TRAPPC12: variants seen among roughly 807,000 people sequenced by gnomAD.
TRAPPC12 encodes TPR repeat protein 15.
TRAPPC12 carries 61 observed loss-of-function variants against 69.2 expected under a neutral mutation model. The ratio of observed to expected loss-of-function variants is 0.88; its 90% CI spans 0.72 to 1.09. The LOEUF is 1.09. Ranked by LOEUF, TRAPPC12 falls within the 50% of genes least tolerant of loss-of-function variation. The probability of loss-of-function intolerance (pLI) is 0.00; values close to 1 mark genes in which losing one functional copy is unlikely to be tolerated. For missense variants in TRAPPC12, 1,101 were observed against 1,016.4 expected, an observed-to-expected ratio of 1.08 and a Z score of -1.13; for synonymous variants, 469 against 438.9, an observed-to-expected ratio of 1.07 and a Z score of -0.86.
intron 9 of TRAPPC12, among the ~76,000 whole-genome samples, chr2:3,473,135 A>G (rs1666135774): frequency 6.6e-6 from 1 of 152,180 alleles, no homozygotes; most frequent in South Asian, 2.1e-4. Flanking sequence ...ATGCATTGAC[A>G]GCCTGCCTGG....
intron 3 of TRAPPC12, among the ~76,000 whole-genome samples, chr2:3,404,115 C>T (rs1305609241): frequency 6.6e-6 from 1 of 152,176 alleles, no homozygotes; most frequent in South Asian, 2.1e-4. Context: ...CCTGGAACCC[C>T]TTTGCCTGGG....
At position 3,388,650 on chromosome 2, in the gene TRAPPC12, C is replaced by T. The variant is rs1272517526; in HGVS notation, c.1027C>T (p.Leu343Phe). Residue 343 changes from leucine (L) to phenylalanine (F), a missense_variant, in exon 2 of 12, where the codon CTC becomes TTC. By Grantham distance (22) the Leu-to-Phe change is conservative. Coordinates refer to ENST00000324266, the MANE Select transcript of TRAPPC12 (RefSeq NM_016030.6). ...VDKENLTMPG[L>F]RFDNIQGDAV... ...CAAGGAGAACCTCACCATGCCGGGC[C>T]TCAGGTTCGACAACATCCAGGTGAG... is the stretch of plus-strand genomic sequence containing the variant. The T allele has an allele frequency of 1.9e-5, 30 of 1,569,286 alleles. No individual in the cohort carries two copies. Among genetic ancestry groups the T allele is most frequent in the African/African-American group, 2.7e-5 (2 of 73,858 alleles).
At position 3,414,099 on chromosome 2, in the gene TRAPPC12, A is replaced by G. The variant is rs1389471855; in HGVS notation, c.1165-7782A>G. ...CCCCCAAAGAATTAGAAAACTAGGTACCCCTCACACATTTTTAAGCTATCT... is the reference window on the plus strand; with the variant it reads ...CCCCCAAAGAATTAGAAAACTAGGTGCCCCTCACACATTTTTAAGCTATCT... On this transcript the variant is annotated intron_variant, in intron 3 of 11. Coordinates refer to ENST00000324266, the MANE Select transcript of TRAPPC12 (RefSeq NM_016030.6). The surrounding 1 kb of genome is among the most constrained non-coding windows in gnomAD (Gnocchi z 4.9). 6.6e-6 allele frequency among the ~76,000 whole-genome samples: 1 copy of G among 152,132 alleles called. No individual in the cohort carries two copies. Among genetic ancestry groups the G allele is most frequent in the Non-Finnish European group, 1.5e-5 (1 of 68,022 alleles).
intron 5 of TRAPPC12, among the ~76,000 whole-genome samples, chr2:3,432,050 A>T (rs1166079617): frequency 6.6e-6 from 1 of 152,232 alleles, no homozygotes; most frequent in Admixed American, 6.5e-5. Context: ...TCTGCATTAG[A>T]TTGCTCACTT....
At chr2:3,451,417 T>C (rs1664845033) in intron 6 of TRAPPC12, among the ~76,000 whole-genome samples, 3 of 152,240 alleles carry the variant, frequency 2.0e-5, no homozygotes, top group Admixed American at 6.5e-5. Context: ...TCCAAACTCC[T>C]CTTCCCTGCA....
At chr2:3,407,003 T>C (rs2103481550) in intron 3 of TRAPPC12, among the ~76,000 whole-genome samples, 1 of 152,360 alleles carries the variant, frequency 6.6e-6, no homozygotes, top group Non-Finnish European at 1.5e-5. Context: ...GATCTTTACC[T>C]TGCCCTGGTA....
intron 3 of TRAPPC12, among the ~76,000 whole-genome samples, chr2:3,404,161 T>G (rs748994981): frequency 2.6e-5 from 4 of 152,138 alleles, no homozygotes; most frequent in Non-Finnish European, 2.9e-5. Flanking sequence ...AGATCGCGGT[T>G]GTGTGAGGGC....
intron 7 of TRAPPC12, 150 bp from the exon 8 acceptor site, chr2:3,460,113 G>A (rs1476653670): frequency 6.9e-6 from 5 of 725,632 alleles, no homozygotes; most frequent in Admixed American, 4.0e-5. Flanking sequence ...AGTGCAGCCT[G>A]CAGCATATTC....
chr2:3,461,953 C>T (rs1665528557), intron 8 of TRAPPC12, among the ~76,000 whole-genome samples: 1 of 152,268 alleles, frequency 6.6e-6, no homozygotes, highest in Non-Finnish European at 1.5e-5. Context: ...CCTGACACCC[C>T]CACCTGGCGG....
chr2:3,385,601 A>C (rs1038307140), intron 1 of TRAPPC12, among the ~76,000 whole-genome samples: 44 of 152,336 alleles, frequency 2.9e-4, no homozygotes, highest in African/African-American at 9.4e-4. Flanking sequence ...TTTCTTTAAA[A>C]AGTTTCTTCA....
Position 3,475,171 on chromosome 2 carries a change from C to T in TRAPPC12, c.1777-2524C>T, listed in dbSNP as rs145479527. 3.8e-3 allele frequency among the ~76,000 whole-genome samples: 584 copies of T among 152,328 alleles called. 3 individuals carry two copies. Among genetic ancestry groups the T allele is most frequent in the African/African-American group, 0.011 (468 of 41,568 alleles). On this transcript the variant is annotated intron_variant, in intron 9 of 11. Transcript: ENST00000324266. ...AGTGCAGTGGCACAGGTATGATTCA[C>T]TGCAGAACTCCTGGGCTCAAGAGAT...
intron 2 of TRAPPC12, among the ~76,000 whole-genome samples, chr2:3,397,425 G>C (rs998190152): frequency 6.6e-6 from 1 of 152,190 alleles, no homozygotes; most frequent in Non-Finnish European, 1.5e-5. Flanking sequence ...GTCCATGGCA[G>C]ACCCACACTC....
intron 8 of TRAPPC12, among the ~76,000 whole-genome samples, chr2:3,462,596 C>T (rs1665566528): frequency 6.6e-6 from 1 of 152,218 alleles, no homozygotes; most frequent in Non-Finnish European, 1.5e-5. Context: ...AACTTCTTAG[C>T]AATGAAATGT....
In TRAPPC12 at chr2:3,388,259, C is replaced by T; in HGVS notation, c.636C>T (p.Asp212=). The part of the protein sequence containing the change: ...PSPSLSTFFG[D]TAASHSLASD... ...CCAGCCTCAGCACGTTCTTCGGAGACACGGCCGCCAGCCACTCCTTGGCCT... is the reference window on the plus strand; with the variant it reads ...CCAGCCTCAGCACGTTCTTCGGAGATACGGCCGCCAGCCACTCCTTGGCCT... The change falls in exon 2 of 12, where the codon GAC becomes GAT. Residue 212 remains aspartate (D), a synonymous_variant. Transcript: ENST00000324266. 1 of 1,608,434 alleles carries T rather than the reference C, an allele frequency of 6.2e-7. No individual in the cohort carries two copies. Among genetic ancestry groups the T allele is most frequent in the Non-Finnish European group, 8.5e-7 (1 of 1,177,714 alleles).
chr2:3,388,205 G>T lies in TRAPPC12; in HGVS notation c.582G>T (p.Arg194Ser), dbSNP rs537235220. Residue 194 changes from arginine (R) to serine (S), a missense_variant, in exon 2 of 12, where the codon AGG (arginine) becomes AGT (serine). Physicochemically the swap from Arg to Ser is moderately radical, Grantham distance 110. Coordinates refer to ENST00000324266, the MANE Select transcript of TRAPPC12 (RefSeq NM_016030.6). Reference protein sequence around the residue: ...SFGGASEASARTPPQVVQPSP... With the variant: ...SFGGASEASASTPPQVVQPSP... ...GTGGCGCCAGCGAGGCCTCGGCCAG[G>T]ACACCGCCCCAGGTCGTGCAGCCCA... 1.9e-6 allele frequency: 3 copies of T among 1,609,450 alleles called. No individual in the cohort carries two copies. Among genetic ancestry groups the T allele is most frequent in the African/African-American group, 2.7e-5 (2 of 74,446 alleles).
Position 3,388,520 on chromosome 2 carries a change from C to A in TRAPPC12, c.897C>A (p.Ser299Arg). 1 of 1,613,114 alleles carries A rather than the reference C, an allele frequency of 6.2e-7. No homozygotes were observed. Among genetic ancestry groups the A allele is most frequent in the Non-Finnish European group, 8.5e-7 (1 of 1,179,738 alleles). The change falls in exon 2 of 12, where the codon AGC becomes AGA. Residue 299 changes from serine (S) to arginine (R), a missense_variant. Physicochemically the swap from Ser to Arg is moderately radical, Grantham distance 110 (BLOSUM62 -1). Coordinates refer to ENST00000324266, the MANE Select transcript of TRAPPC12 (RefSeq NM_016030.6). ...ACGACCCCTTTGCCACCGCCCTGAG[C>A]ATGAGCGAGATGGACCGGAGGAACG... is the stretch of plus-strand genomic sequence containing the variant. ...GSDDPFATALSMSEMDRRNDA... is the reference protein window; with the variant it reads ...GSDDPFATALRMSEMDRRNDA...
Position 3,388,210 on chromosome 2 carries a change from C to T in TRAPPC12, c.587C>T (p.Pro196Leu), listed in dbSNP as rs1447601130. Residue 196 changes from proline to leucine, a missense_variant, in exon 2 of 12, where the codon CCG becomes CTG. Coordinates refer to ENST00000324266, the MANE Select transcript of TRAPPC12 (RefSeq NM_016030.6). ...GGASEASART[P>L]PQVVQPSPSL... ...GCCAGCGAGGCCTCGGCCAGGACACCGCCCCAGGTCGTGCAGCCCAGCCCC... is the reference window on the plus strand; with the variant it reads ...GCCAGCGAGGCCTCGGCCAGGACACTGCCCCAGGTCGTGCAGCCCAGCCCC... 5 of 1,608,744 alleles carry T rather than the reference C, an allele frequency of 3.1e-6. No individual in the cohort carries two copies. The highest frequency in any genetic ancestry group is 1.3e-5 in the African/African-American group (1 of 74,282).
At chr2:3,479,075 A>G in intron 11 of TRAPPC12, 142 bp downstream of exon 11, 1 of 1,494,254 alleles carries the variant, frequency 6.7e-7, no homozygotes, top group Non-Finnish European at 9.1e-7. Context: ...CCCTTAGGGG[A>G]AGTGACCCAA....
intron 5 of TRAPPC12, among the ~76,000 whole-genome samples, chr2:3,428,938 C>G (rs977916598): frequency 6.6e-6 from 1 of 152,220 alleles, no homozygotes; most frequent in Non-Finnish European, 1.5e-5. Context: ...CCCTTTTCCT[C>G]TGTTCCTCTT....
Sources: gnomAD v4.1 joint callset for allele counts (sites outside exome capture counted in the v4.1 genomes callset) on GRCh38, gnomAD v4.1.1 for gene constraint, Gnocchi (gnomAD v3.1) non-coding constraint, MANE v1.5 for transcripts, NCBI Gene and HGNC (gene_info 2026-07-23, HGNC 2026-07-21) for gene names.